Variants in NBDY observed in about 807,000 individuals in gnomAD.
NBDY encodes the protein P-body dissociating protein.
chrX:56,735,990 A>G (rs1287687784), intron 2 of NBDY, among the ~76,000 whole-genome samples: 1 of 110,648 alleles, frequency 9.0e-6, no homozygotes, highest in Non-Finnish European at 1.9e-5. Context: ...GGAATATGAG[A>G]CTTGATATTT....
chrX:56,766,788 A>C (rs981071986), intron 2 of NBDY, among the ~76,000 whole-genome samples: 1 of 111,989 alleles, frequency 8.9e-6, no homozygotes, highest in African/African-American at 3.2e-5. Flanking sequence ...AGGGCCCCCA[A>C]GCCTTGTCCC....
At chrX:56,811,880 C>T (rs1360171044) in intron 2 of NBDY, among the ~76,000 whole-genome samples, 2 of 112,086 alleles carry the variant, frequency 1.8e-5, no homozygotes, top group East Asian at 5.6e-4. Context: ...AACCCAGGGC[C>T]CTGGTGGCAT....
chrX:56,792,343 G>A (rs752999493), intron 2 of NBDY, among the ~76,000 whole-genome samples: 1 of 111,222 alleles, frequency 9.0e-6, no homozygotes, highest in South Asian at 3.8e-4. Context: ...TTGGCAACTT[G>A]TCCTCTGTCT....
intron 2 of NBDY, among the ~76,000 whole-genome samples, chrX:56,741,733 T>C (rs1251056423): frequency 8.9e-6 from 1 of 111,854 alleles, no homozygotes; most frequent in Non-Finnish European, 1.9e-5. Context: ...TTATATATTT[T>C]GGTTATTAAT....
chrX:56,759,750 TTATTCCCAGGA>T (rs1196911805), intron 2 of NBDY, among the ~76,000 whole-genome samples: 1 of 111,726 alleles, frequency 9.0e-6, no homozygotes, highest in Non-Finnish European at 1.9e-5. Flanking sequence ...TGGCCTGTGC[TTATTCCCAGGA>T]TGGCGCCTTG....
At chrX:56,730,549 A>G (rs1602645782) in intron 1 of NBDY, among the ~76,000 whole-genome samples, 1 of 99,257 alleles carries the variant, frequency 1.0e-5, no homozygotes. Flanking sequence ...AAAAAAAAGG[A>G]AGGAGGAACT....
chrX:56,813,473 C>T (rs1041002975), intron 2 of NBDY, among the ~76,000 whole-genome samples: 1 of 111,123 alleles, frequency 9.0e-6, no homozygotes. Flanking sequence ...CCACAGACCA[C>T]AGACACACCC....
chrX:56,745,959 G>A lies in NBDY; in HGVS notation c.*166+13760G>A, dbSNP rs146760542. On this transcript the variant is annotated intron_variant, in intron 2 of 2. Transcript: ENST00000374922. ...TTGGGGATTTTACAGATAGCTAGGTGGGTATTTTTTACTTCCCCCTTAAGA... is the reference window on the plus strand; with the variant it reads ...TTGGGGATTTTACAGATAGCTAGGTAGGTATTTTTTACTTCCCCCTTAAGA... Among the ~76,000 whole-genome samples, 371 of 111,567 alleles carry A rather than the reference G, an allele frequency of 3.3e-3. 2 individuals carry two copies. Among genetic ancestry groups the A allele is most frequent in the African/African-American group, 0.011 (351 of 30,752 alleles).
intron 2 of NBDY, among the ~76,000 whole-genome samples, chrX:56,741,971 G>C (rs895365378): frequency 2.7e-5 from 3 of 111,447 alleles, no homozygotes; most frequent in African/African-American, 9.8e-5. Flanking sequence ...TGAGGTCTTT[G>C]ACTTAAGTCT....
At chrX:56,755,730 T>C (rs1291737233) in intron 2 of NBDY, among the ~76,000 whole-genome samples, 3 of 110,073 alleles carry the variant, frequency 2.7e-5, no homozygotes, top group Non-Finnish European at 5.7e-5. Context: ...GAAGTCAGTG[T>C]GGTGATTCCT....
intron 2 of NBDY, among the ~76,000 whole-genome samples, chrX:56,803,126 C>T (rs1022521111): frequency 1.8e-5 from 2 of 110,663 alleles, no homozygotes; most frequent in African/African-American, 3.3e-5. Flanking sequence ...GAGATGGTGG[C>T]GGTGTGGGGC....
intron 2 of NBDY, among the ~76,000 whole-genome samples, chrX:56,739,252 ATATATATATATGTATG>A (rs2069517106): frequency 9.9e-5 from 8 of 80,834 alleles, no homozygotes; most frequent in South Asian, 1.2e-3. Context: ...ATATATATAT[ATATATATATATGTATG>A]TATATATATA....
At chrX:56,802,767 G>A (rs1435678708) in intron 2 of NBDY, among the ~76,000 whole-genome samples, 1 of 112,711 alleles carries the variant, frequency 8.9e-6, no homozygotes, top group East Asian at 2.8e-4. Flanking sequence ...TTCTGCATGA[G>A]CATGAGCCAT....
chrX:56,729,337 C>T lies in NBDY; in HGVS notation c.-17C>T. The T allele has an allele frequency of 3.4e-6, 1 of 297,014 alleles. No individual in the cohort carries two copies. Among genetic ancestry groups the T allele is most frequent in the Non-Finnish European group, 5.9e-6 (1 of 170,084 alleles). 24.5% of individuals were successfully genotyped at this position (297,014 alleles called of 1,213,427 possible). Reference sequence around the variant, plus strand: ...GGGCCCACCGGAGAAAACTGACGACCCGTTTCTGTAATCCTTATGGGAGAC... The same window carrying T: ...GGGCCCACCGGAGAAAACTGACGACTCGTTTCTGTAATCCTTATGGGAGAC... On this transcript the variant is annotated 5_prime_UTR_variant, in exon 1 of 3. Coordinates refer to ENST00000374922, the MANE Select transcript of NBDY (RefSeq NM_001348129.2).
chrX:56,797,538 C>G (rs982768235), intron 2 of NBDY, among the ~76,000 whole-genome samples: 1 of 110,931 alleles, frequency 9.0e-6, no homozygotes, highest in African/African-American at 3.3e-5. Context: ...CCTCGTGTTA[C>G]TTTTAAGTGA....
At position 56,812,352 on chromosome X, in the gene NBDY, A is replaced by G. The variant is rs2069891427; in HGVS notation, c.*167-4968A>G. 3.6e-5 allele frequency among the ~76,000 whole-genome samples: 4 copies of G among 110,238 alleles called. No homozygotes were observed. In the South Asian group the frequency reaches 1.6e-3, roughly 45 times the overall value. ...TAGATGGATCCTGGCTGACCCCTGA[A>G]GTGCATAATCAGAATCCCCCTCCTC... On this transcript the variant is annotated intron_variant, in intron 2 of 2. Coordinates refer to ENST00000374922, the MANE Select transcript of NBDY (RefSeq NM_001348129.2).
intron 2 of NBDY, among the ~76,000 whole-genome samples, chrX:56,762,154 G>A (rs189608913): frequency 6.3e-5 from 7 of 111,457 alleles, no homozygotes; most frequent in Non-Finnish European, 1.1e-4. Context: ...ATGTCACCAC[G>A]CATTGAGGCA....
rs754301225 is a variant in NBDY, at chrX:56,793,452, G to A, written c.*167-23868G>A. 9.2e-4 allele frequency among the ~76,000 whole-genome samples: 102 copies of A among 111,090 alleles called. 5 individuals are homozygous for A. In the South Asian group the frequency reaches 0.039, roughly 42 times the overall value. On this transcript the variant is annotated intron_variant, in intron 2 of 2. Coordinates refer to ENST00000374922, the MANE Select transcript of NBDY (RefSeq NM_001348129.2). ...TCCCCTAAATTTGGTGGTCAACCTG[G>A]GACCAGGTGGCTGGTTCCTTTGTCT...
intron 2 of NBDY, among the ~76,000 whole-genome samples, chrX:56,801,360 C>T (rs983585679): frequency 9.1e-6 from 1 of 109,308 alleles, no homozygotes; most frequent in African/African-American, 3.3e-5. Context: ...ACTCCTTCTC[C>T]TTCTCCTTCT....
Sources: allele counts gnomAD v4.1 joint callset (sites outside exome capture counted in the v4.1 genomes callset), GRCh38; gene constraint gnomAD v4.1.1; transcripts MANE v1.5; gene names NCBI Gene and HGNC (gene_info 2026-07-23, HGNC 2026-07-21).